Variants in RARA observed in about 807,000 individuals in gnomAD.
The protein encoded by RARA is retinoic acid receptor alpha.
In RARA, 5 loss-of-function variants were observed where a neutral mutation model predicts 42.8. That is an observed-to-expected ratio of 0.12 (90% CI 0.06 to 0.25). The LOEUF is 0.25. RARA is among the 10% of genes least tolerant of loss of function. The probability of loss-of-function intolerance (pLI) is 1.00; values close to 1 mark genes in which losing one functional copy is unlikely to be tolerated. For synonymous variants in RARA, 256 were observed against 259.5 expected (o/e 0.99, Z 0.13); for missense variants, 402 against 628.7 (o/e 0.64, Z 3.86).
chr17:40,348,653 G>T (rs1228374440), intron 3 of RARA, 189 bp downstream of exon 3: 2 of 644,070 alleles, frequency 3.1e-6, no homozygotes, highest in Admixed American at 8.3e-5. Context: ...AAATGTGCAG[G>T]GCTCCCTCAA....
chr17:40,320,631 G>A lies in RARA; in HGVS notation c.-362-10226G>A, dbSNP rs982133420. ...CTCAGGTGGGATGGTCCTCAGAACCGTGTGATGTGACGGTGGGGCCTGTCC... is the reference window on the plus strand; with the variant it reads ...CTCAGGTGGGATGGTCCTCAGAACCATGTGATGTGACGGTGGGGCCTGTCC... On this transcript the variant is annotated intron_variant, in intron 1 of 8. Transcript: ENST00000254066. This position sits in a 1 kb window ranked among gnomAD's most constrained non-coding sequence, Gnocchi z 4.1. Among the ~76,000 whole-genome samples, 4 of 152,200 alleles carry A rather than the reference G, an allele frequency of 2.6e-5. No homozygotes were observed. The highest frequency in any genetic ancestry group is 2.9e-5 in the Non-Finnish European group (2 of 68,050).
intron 1 of RARA, among the ~76,000 whole-genome samples, chr17:40,309,597 A>G (rs2033057810): frequency 1.3e-5 from 2 of 152,048 alleles, no homozygotes; most frequent in South Asian, 4.2e-4. Flanking sequence ...ATTGCCTAAT[A>G]CCCCTTCCCC....
At chr17:40,335,644 C>T (rs1178947393) in intron 2 of RARA, among the ~76,000 whole-genome samples, 1 of 151,818 alleles carries the variant, frequency 6.6e-6, no homozygotes, top group East Asian at 1.9e-4. Context: ...AAACCGAGAT[C>T]ATGCCACTGC....
At position 40,354,555 on chromosome 17, in the gene RARA, C is replaced by T. The variant is rs1299256234; in HGVS notation, c.1012+49C>T. On this transcript the variant is annotated intron_variant, in intron 7 of 8. Coordinates refer to ENST00000254066, the MANE Select transcript of RARA (RefSeq NM_000964.4). The surrounding 1 kb of genome is among the most constrained non-coding windows in gnomAD (Gnocchi z 4.5). Reference sequence around the variant, plus strand: ...GGGCTGGGCTGGGACGGGGGTGCAGCCCTGGAGTCTCTTCCAGGGAGCTCT... The same window carrying T: ...GGGCTGGGCTGGGACGGGGGTGCAGTCCTGGAGTCTCTTCCAGGGAGCTCT... 6 of 1,585,940 alleles carry T rather than the reference C, an allele frequency of 3.8e-6. No homozygotes were observed. In the Admixed American group the frequency reaches 1.0e-4, roughly 27 times the overall value.
intron 4 of RARA, among the ~76,000 whole-genome samples, chr17:40,350,875 T>C (rs942433608): frequency 2.0e-5 from 3 of 151,916 alleles, no homozygotes; most frequent in African/African-American, 7.3e-5. Context: ...CCTGGAACCC[T>C]TCGCTTAAGG....
chr17:40,316,892 C>G (rs972983005), intron 1 of RARA, among the ~76,000 whole-genome samples: 3 of 152,094 alleles, frequency 2.0e-5, no homozygotes, highest in African/African-American at 7.2e-5. Context: ...GCCCAGCAGG[C>G]GGGAAGGGGC....
intron 3 of RARA, chr17:40,348,960 C>T: frequency 6.4e-6 from 1 of 157,274 alleles, no homozygotes; most frequent in Non-Finnish European, 1.4e-5. Flanking sequence ...TGCCAGGGTG[C>T]AGGTATACCT....
Position 40,356,678 on chromosome 17 carries a change from G to A in RARA, c.*452G>A. 1.8e-6 allele frequency: 1 copy of A among 540,624 alleles called. No homozygotes were observed. Among genetic ancestry groups the A allele is most frequent in the South Asian group, 1.5e-5 (1 of 64,562 alleles). 33.5% of individuals were successfully genotyped at this position (540,624 alleles called of 1,614,324 possible). Reference sequence around the variant, plus strand: ...GACAGAGGGGGTGGGACAGGGGCGGGGGGTTCCCCCTGTACATACCCTGCC... The same window carrying A: ...GACAGAGGGGGTGGGACAGGGGCGGAGGGTTCCCCCTGTACATACCCTGCC... On this transcript the variant is annotated 3_prime_UTR_variant, in exon 9 of 9. Transcript: ENST00000254066.
intron 2 of RARA, among the ~76,000 whole-genome samples, chr17:40,346,474 G>GT (rs901350388): frequency 6.6e-6 from 1 of 151,682 alleles, no homozygotes; most frequent in Non-Finnish European, 1.5e-5. Flanking sequence ...CTAGGCCATG[G>GT]TCCCCCCAAC....
At position 40,315,121 on chromosome 17, in the gene RARA, TGC is replaced by T. The variant is rs1480450740; in HGVS notation, c.-363+5836_-363+5837del. 3.2e-4 allele frequency among the ~76,000 whole-genome samples: 34 copies of T among 106,730 alleles called. 1 individual carries two copies. The highest frequency in any genetic ancestry group is 1.2e-3 in the African/African-American group (31 of 25,578). 70.0% of individuals were successfully genotyped at this position (106,730 alleles called of 152,430 possible). On this transcript the variant is annotated intron_variant, in intron 1 of 8. Coordinates refer to ENST00000254066, the MANE Select transcript of RARA (RefSeq NM_000964.4). The stretch of plus-strand genomic sequence containing the variant: ...ATATGTATATATATATATATATATA[TGC>T]TTATATGTGTATATATATATATATA...
Position 40,352,517 on chromosome 17 carries a change from T to A in RARA, c.807+10T>A. 1 of 1,584,906 alleles carries A rather than the reference T, an allele frequency of 6.3e-7. No homozygotes were observed. The highest frequency in any genetic ancestry group is 8.6e-7 in the Non-Finnish European group (1 of 1,162,310). ...CTGCCTGGACATCCTGGTGAGGGTC[T>A]GCACCCTGGCCCCCAGGCACTGCCC... On this transcript the variant is annotated intron_variant, in intron 6 of 8. Coordinates refer to ENST00000254066, the MANE Select transcript of RARA (RefSeq NM_000964.4). The surrounding 1 kb of genome is among the most constrained non-coding windows in gnomAD (Gnocchi z 4.9).
intron 1 of RARA, among the ~76,000 whole-genome samples, chr17:40,324,347 C>G (rs1199210823): frequency 6.6e-6 from 1 of 151,976 alleles, no homozygotes; most frequent in Non-Finnish European, 1.5e-5. Context: ...GCCTGAATTA[C>G]CCCCTGCCCT....
At chr17:40,346,642 G>GC (rs1364044887) in intron 2 of RARA, among the ~76,000 whole-genome samples, 5 of 134,422 alleles carry the variant, frequency 3.7e-5, no homozygotes, top group Non-Finnish European at 6.5e-5. Context: ...CCCCAACCCC[G>GC]CCCCCCCAGC....
Position 40,356,031 on chromosome 17 carries a change from G to A in RARA, c.1194G>A (p.Leu398=). ...SAKGAERVIT[L]KMEIPGSMPP... ...CAGGGGCTGAGCGGGTGATCACGCT[G>A]AAGATGGAGATCCCGGGCTCCATGC... Residue 398 remains leucine, a synonymous_variant, in exon 9 of 9, where the codon CTG becomes CTA. Coordinates refer to ENST00000254066, the MANE Select transcript of RARA (RefSeq NM_000964.4). The A allele has an allele frequency of 2.5e-6, 4 of 1,604,308 alleles. No homozygotes were observed. Among genetic ancestry groups the A allele is most frequent in the Non-Finnish European group, 3.4e-6 (4 of 1,176,938 alleles).
In RARA at chr17:40,355,669, G is replaced by T. The variant is rs2034597695; in HGVS notation, c.1171+248G>T. Among the ~76,000 whole-genome samples the T allele has an allele frequency of 6.6e-6, 1 of 152,220 alleles. No individual in the cohort carries two copies. Among genetic ancestry groups the T allele is most frequent in the Non-Finnish European group, 1.5e-5 (1 of 68,046 alleles). On this transcript the variant is annotated intron_variant, in intron 8 of 8. Transcript: ENST00000254066. The surrounding 1 kb of genome is among the most constrained non-coding windows in gnomAD (Gnocchi z 4.1). The stretch of plus-strand genomic sequence containing the variant: ...GTGTCCTTGTGTGGGTCACTCAACA[G>T]CTCCTAGCTACAGTTTCCCTTCCGA...
chr17:40,356,738 GT>G lies in RARA; in HGVS notation c.*517del. 1 of 528,870 alleles carries G rather than the reference GT, an allele frequency of 1.9e-6. No homozygotes were observed. Among genetic ancestry groups the G allele is most frequent in the Non-Finnish European group, 3.6e-6 (1 of 275,020 alleles). 32.8% of individuals were successfully genotyped at this position (528,870 alleles called of 1,614,324 possible). A position where few individuals can be genotyped will look rare whatever the true frequency, so the allele number is the denominator to read the frequency against. On this transcript the variant is annotated 3_prime_UTR_variant, in exon 9 of 9. Coordinates refer to ENST00000254066, the MANE Select transcript of RARA (RefSeq NM_000964.4). ...CCAGGTATTAATTCTCGCTGGTTTT[GT>G]TTTTATTTTAATTTTTTTGTTTTGA...
Position 40,357,475 on chromosome 17 carries a change from CA to C in RARA, c.*1250del, listed in dbSNP as rs991980308. On this transcript the variant is annotated 3_prime_UTR_variant, in exon 9 of 9. Coordinates refer to ENST00000254066, the MANE Select transcript of RARA (RefSeq NM_000964.4). ...CTCCTTACCCCGCAGGACGGGCCTA[CA>C]GGGGGGTCTCCCCTCACCCCTGCAC... 8 of 220,622 alleles carry C rather than the reference CA, an allele frequency of 3.6e-5. No homozygotes were observed. Among genetic ancestry groups the C allele is most frequent in the Admixed American group, 1.2e-4 (2 of 17,154 alleles). 13.7% of individuals were successfully genotyped at this position (220,622 alleles called of 1,614,324 possible). A position where few individuals can be genotyped will look rare whatever the true frequency, so the allele number is the denominator to read the frequency against.
rs1407102312 is a variant in RARA, at chr17:40,352,672, C to T, written c.807+165C>T. 6.6e-6 allele frequency among the ~76,000 whole-genome samples: 1 copy of T among 152,184 alleles called. No individual in the cohort carries two copies. Among genetic ancestry groups the T allele is most frequent in the Non-Finnish European group, 1.5e-5 (1 of 68,028 alleles). ...CTCCCCATATGTCCACCTGTCCACT[C>T]GTCTCCCTGTCCACTCAGCCACCTA... On this transcript the variant is annotated intron_variant, in intron 6 of 8. Coordinates refer to ENST00000254066, the MANE Select transcript of RARA (RefSeq NM_000964.4). The surrounding 1 kb of genome is among the most constrained non-coding windows in gnomAD (Gnocchi z 4.9).
At chr17:40,342,356 C>G (rs2034089474) in intron 2 of RARA, 7 of 1,079,702 alleles carry the variant, frequency 6.5e-6, no homozygotes, top group Non-Finnish European at 6.7e-6. Context: ...GGCCTGCGGA[C>G]TTGGGGAGCC....
Sources: gnomAD v4.1 joint callset for allele counts (sites outside exome capture counted in the v4.1 genomes callset) on GRCh38, gnomAD v4.1.1 for gene constraint, Gnocchi (gnomAD v3.1) non-coding constraint, MANE v1.5 for transcripts, NCBI Gene and HGNC (gene_info 2026-07-23, HGNC 2026-07-21) for gene names.